Variants in GRK3 observed in about 807,000 individuals in gnomAD.
GRK3 encodes G protein-coupled receptor kinase 3.
In GRK3, 54 loss-of-function variants were observed where a neutral mutation model predicts 95.7. The observed-to-expected ratio is 0.56, with a 90% confidence interval of 0.45 to 0.71. The LOEUF (loss-of-function observed/expected upper bound fraction) is 0.71. Among genes scored for constraint, GRK3 ranks in the 30% least tolerant of loss-of-function variants. GRK3 has a pLI of 0.00. For synonymous variants in GRK3, 281 were observed against 290.8 expected (o/e 0.97, Z 0.34); for missense variants, 649 against 851.2 (o/e 0.76, Z 2.96).
intron 2 of GRK3, among the ~76,000 whole-genome samples, chr22:25,633,915 T>C (rs1253532733): frequency 6.6e-6 from 1 of 152,192 alleles, no homozygotes; most frequent in Non-Finnish European, 1.5e-5. Context: ...GTGTTCACTA[T>C]CTGCTCTTTG....
intron 8 of GRK3, among the ~76,000 whole-genome samples, chr22:25,677,178 T>A (rs945005281): frequency 6.6e-6 from 1 of 151,728 alleles, no homozygotes; most frequent in Admixed American, 6.6e-5. Flanking sequence ...CTGGACAACA[T>A]AATGAGACTC....
At chr22:25,717,738 G>C (rs2085398268) in intron 18 of GRK3, among the ~76,000 whole-genome samples, 2 of 151,934 alleles carry the variant, frequency 1.3e-5, no homozygotes, top group Non-Finnish European at 1.5e-5. Flanking sequence ...ATATATTTGA[G>C]GAATAAACCT....
In GRK3 at chr22:25,661,648, A is replaced by G. The variant is rs1486251643; in HGVS notation, c.337A>G (p.Ile113Val). The change falls in exon 4 of 21, where the codon ATC becomes GTC. Residue 113 changes from isoleucine (I) to valine (V), a missense_variant. Physicochemically the swap from Ile to Val is conservative, Grantham distance 29. Transcript: ENST00000324198. Reference protein sequence around the residue: ...CRSRQIYDAYIMKELLSCSHP... With the variant: ...CRSRQIYDAYVMKELLSCSHP... Reference sequence around the variant, plus strand: ...AAGTCGACAAATTTATGATGCCTACATCATGAAGGAACTTCTTTCCTGTTC... The same window carrying G: ...AAGTCGACAAATTTATGATGCCTACGTCATGAAGGAACTTCTTTCCTGTTC... 3.1e-6 allele frequency: 5 copies of G among 1,612,326 alleles called. No homozygotes were observed. Among genetic ancestry groups the G allele is most frequent in the Non-Finnish European group, 2.5e-6 (3 of 1,178,836 alleles).
At chr22:25,709,199 G>A (rs1490031682) in intron 15 of GRK3, among the ~76,000 whole-genome samples, 2 of 151,796 alleles carry the variant, frequency 1.3e-5, no homozygotes, top group Non-Finnish European at 2.9e-5. Flanking sequence ...CACCATGCCC[G>A]GCTAATTTTT....
At chr22:25,689,315 A>T (rs2085146963) in intron 11 of GRK3, among the ~76,000 whole-genome samples, 1 of 152,154 alleles carries the variant, frequency 6.6e-6, no homozygotes, top group Non-Finnish European at 1.5e-5. Flanking sequence ...TTCTAATTTA[A>T]ATCAGTAACT....
chr22:25,611,019 A>G (rs561231107), intron 2 of GRK3, among the ~76,000 whole-genome samples: 1 of 152,118 alleles, frequency 6.6e-6, no homozygotes, highest in South Asian at 2.1e-4. Flanking sequence ...ATGCCACCAC[A>G]CCCAGCTAAT....
At chr22:25,647,358 G>A (rs1373928362) in intron 3 of GRK3, 13 of 1,291,974 alleles carry the variant, frequency 1.0e-5, no homozygotes, top group Non-Finnish European at 1.3e-5. Context: ...CATGGGAGCA[G>A]AACCCACTGC....
At chr22:25,607,795 G>A (rs2084463597) in intron 2 of GRK3, among the ~76,000 whole-genome samples, 1 of 150,888 alleles carries the variant, frequency 6.6e-6, no homozygotes, top group Non-Finnish European at 1.5e-5. Context: ...TGGCCAGGCT[G>A]GTCTCAAACT....
chr22:25,688,615 TG>T (rs1261401647), intron 11 of GRK3, among the ~76,000 whole-genome samples: 1 of 152,256 alleles, frequency 6.6e-6, no homozygotes, highest in East Asian at 1.9e-4. Context: ...CCCGAGTTTC[TG>T]TTCTTGTCCT....
intron 3 of GRK3, chr22:25,648,361 CTG>C (rs1209726679): frequency 3.2e-5 from 42 of 1,304,374 alleles, no homozygotes; most frequent in Admixed American, 8.4e-5. Context: ...AAGTTAACAA[CTG>C]TGTGTCCAAC....
chr22:25,566,028 A>C (rs1422343986), intron 1 of GRK3, among the ~76,000 whole-genome samples: 2 of 152,172 alleles, frequency 1.3e-5, no homozygotes, highest in Non-Finnish European at 2.9e-5. Flanking sequence ...GGTACTAGTA[A>C]AATTTTTTCT....
chr22:25,623,979 C>G (rs375443018), intron 2 of GRK3, among the ~76,000 whole-genome samples: 2 of 152,190 alleles, frequency 1.3e-5, no homozygotes, highest in Admixed American at 1.3e-4. Context: ...CAATCTCCAG[C>G]TCTTTTCCTG....
At chr22:25,707,358 G>A (rs1321643265) in intron 15 of GRK3, among the ~76,000 whole-genome samples, 1 of 152,202 alleles carries the variant, frequency 6.6e-6, no homozygotes, top group Non-Finnish European at 1.5e-5. Flanking sequence ...AGTGTTTCCA[G>A]TAAAAATGCA....
chr22:25,647,020 C>CAAAAAAAAAAAAAAAAAAA (rs1025786169), intron 3 of GRK3, among the ~76,000 whole-genome samples: 4 of 54,014 alleles, frequency 7.4e-5, no homozygotes, highest in Non-Finnish European at 1.5e-4. Flanking sequence ...GACTTTGTCT[C>CAAAAAAAAAAAAAAAAAAA]AAAAAAAAAA....
intron 2 of GRK3, among the ~76,000 whole-genome samples, chr22:25,620,001 C>CT (rs34132299): frequency 9.4e-6 from 1 of 105,990 alleles, no homozygotes; most frequent in East Asian, 2.8e-4. Flanking sequence ...TTTCCTTTGT[C>CT]TTTTTTGTGT....
At chr22:25,620,763 G>T (rs1368764531) in intron 2 of GRK3, among the ~76,000 whole-genome samples, 1 of 152,180 alleles carries the variant, frequency 6.6e-6, no homozygotes, top group East Asian at 1.9e-4. Flanking sequence ...GCGTGTCCTT[G>T]TGTGGTTCAG....
intron 11 of GRK3, 32 bp from the exon 12 acceptor site, chr22:25,690,157 C>G: frequency 6.4e-7 from 1 of 1,561,890 alleles, no homozygotes; most frequent in Middle Eastern, 1.7e-4. Flanking sequence ...ATTTGGGGCA[C>G]TCTTATTAAA....
chr22:25,577,166 A>T (rs1931930205), intron 1 of GRK3, among the ~76,000 whole-genome samples: 1 of 151,760 alleles, frequency 6.6e-6, no homozygotes, highest in African/African-American at 2.4e-5. Context: ...GTTACTCTAG[A>T]TACAATAAAG....
intron 15 of GRK3, among the ~76,000 whole-genome samples, chr22:25,707,193 T>G (rs904385540): frequency 6.6e-5 from 10 of 152,348 alleles, no homozygotes; most frequent in African/African-American, 2.4e-4. Context: ...TGAAGTTGCA[T>G]GCTTTCATGC....
Sources: gnomAD v4.1 joint callset for allele counts (sites outside exome capture counted in the v4.1 genomes callset) on GRCh38, gnomAD v4.1.1 for gene constraint, MANE v1.5 for transcripts, NCBI Gene and HGNC (gene_info 2026-07-23, HGNC 2026-07-21) for gene names.